Variants in IRX5 observed in about 807,000 individuals in gnomAD.
IRX5 encodes iroquois homeobox 5, also known as iroquois-class homeodomain protein IRX-5.
A neutral mutation model predicts 37.6 loss-of-function variants in IRX5; 8 were observed. The observed-to-expected ratio is 0.21, with a 90% CI of 0.12 to 0.38. IRX5 has a LOEUF of 0.38. Ranked by LOEUF, IRX5 falls within the 10% of genes least tolerant of loss-of-function variation. The probability of loss-of-function intolerance (pLI) is 1.00; values close to 1 mark genes in which losing one functional copy is unlikely to be tolerated. For synonymous variants in IRX5, 359 were observed against 328.6 expected, an observed-to-expected ratio of 1.09 and a Z score of -1.00; for missense variants, 635 against 695.2, an observed-to-expected ratio of 0.91 and a Z score of 0.97.
rs1451528681 is a variant in IRX5 at position 54,933,000 on chromosome 16, G to A, written c.656-77G>A. 1.3e-5 allele frequency: 21 copies of A among 1,602,662 alleles called. No homozygotes were observed. The highest frequency in any genetic ancestry group is 2.2e-4 in the Middle Eastern group (1 of 4,646). ...CGGGGCCTGGAGGTTGGGGGCAGGG[G>A]TCCCTGCCTTTGCGGGCGGGAACCG... On this transcript the variant is annotated intron_variant, in intron 2 of 2. Transcript: ENST00000394636. The surrounding 1 kb of genome is among the most constrained non-coding windows in gnomAD (Gnocchi z 6.7).
rs1963908372 is a variant in IRX5, at chr16:54,932,333, A to G, written c.250-165A>G. ...CCGCTGCCTTCTGAGGAGGGGGAGGAGTTGCTCCTAGGTCTGAACCCCGCC... is the reference window on the plus strand; with the variant it reads ...CCGCTGCCTTCTGAGGAGGGGGAGGGGTTGCTCCTAGGTCTGAACCCCGCC... On this transcript the variant is annotated intron_variant, in intron 1 of 2. Coordinates refer to ENST00000394636, the MANE Select transcript of IRX5 (RefSeq NM_005853.6). The surrounding 1 kb of genome is among the most constrained non-coding windows in gnomAD (Gnocchi z 6.7). 2 of 746,306 alleles carry G rather than the reference A, an allele frequency of 2.7e-6. No homozygotes were observed. Among genetic ancestry groups the G allele is most frequent in the Non-Finnish European group, 4.3e-6 (2 of 465,956 alleles). The allele number at this position is 746,306 out of a possible 1,614,324, so 46.2% of individuals were successfully genotyped here.
In IRX5 at chr16:54,932,627, A is replaced by G. The variant is rs1963913105; in HGVS notation, c.379A>G (p.Thr127Ala). The change falls in exon 2 of 3, where the codon ACC becomes GCC. Residue 127 changes from threonine (T) to alanine (A), a missense_variant. This residue lies in a region of IRX5 where 55 missense variants were observed against 120.5 expected (regional missense o/e 0.46). Coordinates refer to ENST00000394636, the MANE Select transcript of IRX5 (RefSeq NM_005853.6). The surrounding 1 kb of genome is among the most constrained non-coding windows in gnomAD (Gnocchi z 6.7). ...GAACGCCACAAGGGACGCCACGGCTACCCTCAAGGCCTGGCTCAACGAGCA... is the reference window on the plus strand; with the variant it reads ...GAACGCCACAAGGGACGCCACGGCTGCCCTCAAGGCCTGGCTCAACGAGCA... ...RKNATRDATA[T>A]LKAWLNEHRK... 9 of 1,613,888 alleles carry G rather than the reference A, an allele frequency of 5.6e-6. No individual in the cohort carries two copies. In the African/African-American group the frequency reaches 9.3e-5, roughly 17 times the overall value.
In IRX5 at chr16:54,934,077, A is replaced by G; in HGVS notation, c.*204A>G. On this transcript the variant is annotated 3_prime_UTR_variant, in exon 3 of 3. Transcript: ENST00000394636. ...AAATGTCTTAACCAACCGAAAAGAA[A>G]AATTAAAAAAGGATTTGTATTAAAT... The G allele has an allele frequency of 6.9e-6, 3 of 437,742 alleles. No homozygotes were observed. The highest frequency in any genetic ancestry group is 1.2e-5 in the Non-Finnish European group (3 of 255,308). 27.1% of individuals were successfully genotyped at this position (437,742 alleles called of 1,614,324 possible). A position where few individuals can be genotyped will look rare whatever the true frequency, so the allele number is the denominator to read the frequency against.
chr16:54,931,147 G>T lies in IRX5; in HGVS notation c.-52G>T, dbSNP rs1344472377. The T allele has an allele frequency of 1.6e-6, 2 of 1,278,296 alleles. No individual in the cohort carries two copies. Among genetic ancestry groups the T allele is most frequent in the Admixed American group, 4.1e-5 (1 of 24,572 alleles). 79.2% of individuals were successfully genotyped at this position (1,278,296 alleles called of 1,614,324 possible). A position where few individuals can be genotyped will look rare whatever the true frequency, so the allele number is the denominator to read the frequency against. ...CGCCCGCTCGCCCTCGCAGGGCGCC[G>T]CCCGGCTCGTTGGCGGCCGCGGCGC... On this transcript the variant is annotated 5_prime_UTR_variant, in exon 1 of 3. Coordinates refer to ENST00000394636, the MANE Select transcript of IRX5 (RefSeq NM_005853.6).
chr16:54,933,307 C>A lies in IRX5; in HGVS notation c.886C>A (p.Pro296Thr). 1 of 1,413,496 alleles carries A rather than the reference C, an allele frequency of 7.1e-7. No individual in the cohort carries two copies. The allele number at this position is 1,413,496 out of a possible 1,614,324, so 87.6% of individuals were successfully genotyped here. Residue 296 changes from proline (P) to threonine (T), a missense_variant, in exon 3 of 3, where the codon CCG (proline) becomes ACG (threonine). This residue lies in a region of IRX5 where 244 missense variants were observed against 205.4 expected (regional missense o/e 1.19). Coordinates refer to ENST00000394636, the MANE Select transcript of IRX5 (RefSeq NM_005853.6). Reference protein sequence around the residue: ...DPAPHYPAGAPAPGPHPAAGE... With the variant: ...DPAPHYPAGATAPGPHPAAGE... ...GGCCCCTCACTACCCCGCCGGAGCG[C>A]CGGCGCCCGGCCCGCATCCAGCCGC...
In IRX5 at chr16:54,933,139, G is replaced by A. The variant is rs1358104365; in HGVS notation, c.718G>A (p.Gly240Ser). 2 of 1,584,836 alleles carry A rather than the reference G, an allele frequency of 1.3e-6. No homozygotes were observed. The highest frequency in any genetic ancestry group is 4.6e-5 in the East Asian group (2 of 43,942). ...GCTTCAGGGACCACCCACCCCTGCA[G>A]GCAAGGAGACGGAGGGCAGCCTCAG... Reference protein sequence around the residue: ...ERLQGPPTPAGKETEGSLSDS... With the variant: ...ERLQGPPTPASKETEGSLSDS... The change falls in exon 3 of 3, where the codon GGC (glycine) becomes AGC (serine). Residue 240 changes from glycine (G) to serine (S), a missense_variant. By Grantham distance (56) the Gly-to-Ser change is moderately conservative (BLOSUM62 0). Around this residue, in one of 5 missense-constraint regions of IRX5, gnomAD observed 244 missense variants for 205.4 expected, o/e 1.19. Coordinates refer to ENST00000394636, the MANE Select transcript of IRX5 (RefSeq NM_005853.6).
chr16:54,933,323 A>T lies in IRX5; in HGVS notation c.902A>T (p.His301Leu), dbSNP rs1324470037. The change falls in exon 3 of 3, where the codon CAT (histidine) becomes CTT (leucine). Residue 301 changes from histidine to leucine, a missense_variant. Physicochemically the swap from His to Leu is moderately conservative, Grantham distance 99 (BLOSUM62 -3). Coordinates refer to ENST00000394636, the MANE Select transcript of IRX5 (RefSeq NM_005853.6). ...GCCGGAGCGCCGGCGCCCGGCCCGC[A>T]TCCAGCCGCGGGCGAGGTGCCTCCG... ...YPAGAPAPGP[H>L]PAAGEVPPGP... The T allele has an allele frequency of 6.9e-7, 1 of 1,459,570 alleles. No homozygotes were observed. Among genetic ancestry groups the T allele is most frequent in the Admixed American group, 2.5e-5 (1 of 40,422 alleles). The allele number at this position is 1,459,570 out of a possible 1,614,324, so 90.4% of individuals were successfully genotyped here. A position where few individuals can be genotyped will look rare whatever the true frequency, so the allele number is the denominator to read the frequency against.
Position 54,931,179 on chromosome 16 carries a change from C to T in IRX5, c.-20C>T, listed in dbSNP as rs752256249. On this transcript the variant is annotated 5_prime_UTR_variant, in exon 1 of 3. Coordinates refer to ENST00000394636, the MANE Select transcript of IRX5 (RefSeq NM_005853.6). ...TCGTTGGCGGCCGCGGCGCGGCGCG[C>T]CCCATGCCCGTGTGTGGCCATGTCC... is the stretch of plus-strand genomic sequence containing the variant. 20 of 1,543,624 alleles carry T rather than the reference C, an allele frequency of 1.3e-5. No individual in the cohort carries two copies. The South Asian group carries it at 1.6e-4, about 12-fold the overall frequency.
chr16:54,934,228 A>G lies in IRX5; in HGVS notation c.*355A>G, dbSNP rs374076585. 3.1e-5 allele frequency: 5 copies of G among 162,026 alleles called. No individual in the cohort carries two copies. Among genetic ancestry groups the G allele is most frequent in the East Asian group, 1.8e-4 (1 of 5,666 alleles). The allele number at this position is 162,026 out of a possible 1,614,324, so 10.0% of individuals were successfully genotyped here. ...GTTTTTTTGTAATATAAATATATAC[A>G]TTTGTGTTTCCCCCAAAACTGTTTC... On this transcript the variant is annotated 3_prime_UTR_variant, in exon 3 of 3. Transcript: ENST00000394636.
Position 54,932,824 on chromosome 16 carries a change from G to T in IRX5, c.576G>T (p.Glu192Asp). 1 of 1,614,170 alleles carries T rather than the reference G, an allele frequency of 6.2e-7. No homozygotes were observed. The highest frequency in any genetic ancestry group is 8.5e-7 in the Non-Finnish European group (1 of 1,180,030). ...GCAGCGAGGACGAGGAAGAGGAGGAGAACATTGACCTGGAGAAGAACGACG... is the reference window on the plus strand; with the variant it reads ...GCAGCGAGGACGAGGAAGAGGAGGATAACATTGACCTGGAGAAGAACGACG... Reference protein sequence around the residue: ...RNRSEDEEEEENIDLEKNDED... With the variant: ...RNRSEDEEEEDNIDLEKNDED... Residue 192 changes from glutamate to aspartate, a missense_variant, in exon 2 of 3, where the codon GAG (glutamate) becomes GAT (aspartate). By Grantham distance (45) the Glu-to-Asp change is conservative (BLOSUM62 2). Coordinates refer to ENST00000394636, the MANE Select transcript of IRX5 (RefSeq NM_005853.6). This position sits in a 1 kb window ranked among gnomAD's most constrained non-coding sequence, Gnocchi z 6.7.
rs1963897298 is a variant in IRX5 at position 54,931,512 on chromosome 16, G to A, written c.249+65G>A. ...GGCCGGGCGGGAGGACGGGGGCGGA[G>A]GGGGACACGGGCCTAGGCGCCAACA... On this transcript the variant is annotated intron_variant, in intron 1 of 2. Transcript: ENST00000394636. 3 of 1,461,482 alleles carry A rather than the reference G, an allele frequency of 2.1e-6. No homozygotes were observed. The African/African-American group carries it at 4.3e-5, about 21-fold the overall frequency. The allele number at this position is 1,461,482 out of a possible 1,614,324, so 90.5% of individuals were successfully genotyped here. A position where few individuals can be genotyped will look rare whatever the true frequency, so the allele number is the denominator to read the frequency against.
Position 54,933,663 on chromosome 16 carries a change from C to T in IRX5, c.1242C>T (p.Asn414=), listed in dbSNP as rs1386541548. The change falls in exon 3 of 3, where the codon AAC becomes AAT. Residue 414 remains asparagine, a synonymous_variant. Transcript: ENST00000394636. ...YTAPFYPGYT[N]YGSFGHLHGH... is the part of the protein sequence containing the mutation. ...CGCCCTTCTATCCCGGCTACACGAA[C>T]TATGGCTCCTTCGGACACCTTCATG... 6.2e-7 allele frequency: 1 copy of T among 1,612,862 alleles called. No homozygotes were observed. Among genetic ancestry groups the T allele is most frequent in the Admixed American group, 1.7e-5 (1 of 59,988 alleles).
rs1366899309 is a variant in IRX5 at position 54,932,163 on chromosome 16, C to CT, written c.250-334dup. On this transcript the variant is annotated intron_variant, in intron 1 of 2. Transcript: ENST00000394636. This position sits in a 1 kb window ranked among gnomAD's most constrained non-coding sequence, Gnocchi z 6.7. ...GGAGTCGCCTCAGTTGCCCAGGCCTCTATCTGCATGGAGGGCCGGGCCGCC... is the reference window on the plus strand; with the variant it reads ...GGAGTCGCCTCAGTTGCCCAGGCCTCTTATCTGCATGGAGGGCCGGGCCGCC... The CT allele has an allele frequency of 6.7e-5, 47 of 702,810 alleles. No homozygotes were observed. Among genetic ancestry groups the CT allele is most frequent in the Middle Eastern group, 4.6e-4 (2 of 4,392 alleles). The allele number at this position is 702,810 out of a possible 1,614,324, so 43.5% of individuals were successfully genotyped here. A position where few individuals can be genotyped will look rare whatever the true frequency, so the allele number is the denominator to read the frequency against.
rs1182419728 is a variant in IRX5, at chr16:54,933,223, C to T, written c.802C>T (p.Pro268Ser). Residue 268 changes from proline to serine, a missense_variant, in exon 3 of 3, where the codon CCC becomes TCC. Coordinates refer to ENST00000394636, the MANE Select transcript of IRX5 (RefSeq NM_005853.6). ...CCGCCTCGACGCGCTGCAGGGCCCCCCCCGCACCGGCGGGCCCTCCCCGGC... is the reference window on the plus strand; with the variant it reads ...CCGCCTCGACGCGCTGCAGGGCCCCTCCCGCACCGGCGGGCCCTCCCCGGC... ...EGRLDALQGPPRTGGPSPAGP... is the reference protein window; with the variant it reads ...EGRLDALQGPSRTGGPSPAGP... 16 of 1,493,814 alleles carry T rather than the reference C, an allele frequency of 1.1e-5. No homozygotes were observed. The highest frequency in any genetic ancestry group is 1.2e-5 in the Non-Finnish European group (13 of 1,129,252). The allele number at this position is 1,493,814 out of a possible 1,614,324, so 92.5% of individuals were successfully genotyped here.
rs1432553970 is a variant in IRX5, at chr16:54,931,236, C to T, written c.38C>T (p.Ala13Val). 1.2e-6 allele frequency: 2 copies of T among 1,611,596 alleles called. No homozygotes were observed. The highest frequency in any genetic ancestry group is 1.7e-5 in the Admixed American group (1 of 59,954). The change falls in exon 1 of 3, where the codon GCC (alanine) becomes GTC (valine). Residue 13 changes from alanine (A) to valine (V), a missense_variant. By Grantham distance (64) the Ala-to-Val change is moderately conservative. Transcript: ENST00000394636. ...YPQGYLYQPS[A>V]SLALYSCPAY... is the part of the protein sequence containing the mutation. ...CAGGGCTACTTGTACCAGCCGTCCGCCTCGCTGGCGCTCTACTCGTGCCCG... is the reference window on the plus strand; with the variant it reads ...CAGGGCTACTTGTACCAGCCGTCCGTCTCGCTGGCGCTCTACTCGTGCCCG...
chr16:54,932,503 T>C lies in IRX5; in HGVS notation c.255T>C (p.Ser85=). The change falls in exon 2 of 3, where the codon TCT becomes TCC. Residue 85 remains serine (S), a synonymous_variant. Coordinates refer to ENST00000394636, the MANE Select transcript of IRX5 (RefSeq NM_005853.6). This position sits in a 1 kb window ranked among gnomAD's most constrained non-coding sequence, Gnocchi z 6.7. ...TCTCTGCGTCTCCACCGCAGGGCTCTCCCTACGACCACACACCCGGCATGG... is the reference window on the plus strand; with the variant it reads ...TCTCTGCGTCTCCACCGCAGGGCTCCCCCTACGACCACACACCCGGCATGG... The part of the protein sequence containing the change: ...AAAAFSSYVG[S]PYDHTPGMAG... 6.2e-7 allele frequency: 1 copy of C among 1,608,130 alleles called. No individual in the cohort carries two copies. Among genetic ancestry groups the C allele is most frequent in the Non-Finnish European group, 8.5e-7 (1 of 1,176,446 alleles).
rs183727841 is a variant in IRX5, at chr16:54,933,998, A to G, written c.*125A>G. The G allele has an allele frequency of 4.4e-5, 43 of 987,222 alleles. No homozygotes were observed. The East Asian group carries it at 1.1e-3, about 24-fold the overall frequency. 61.2% of individuals were successfully genotyped at this position (987,222 alleles called of 1,614,324 possible). A position where few individuals can be genotyped will look rare whatever the true frequency, so the allele number is the denominator to read the frequency against. ...AACTACCCCTCCTATTCAGAAGTTT[A>G]TAGTTTATGGAGATGGATGACATAA... On this transcript the variant is annotated 3_prime_UTR_variant, in exon 3 of 3. Transcript: ENST00000394636.
Position 54,932,758 on chromosome 16 carries a change from C to T in IRX5, c.510C>T (p.Arg170=), listed in dbSNP as rs370696419. Residue 170 remains arginine (R), a synonymous_variant, in exon 2 of 3, where the codon CGC becomes CGT. Coordinates refer to ENST00000394636, the MANE Select transcript of IRX5 (RefSeq NM_005853.6). This position sits in a 1 kb window ranked among gnomAD's most constrained non-coding sequence, Gnocchi z 6.7. Reference sequence around the variant, plus strand: ...CCTGGTTCGCCAACGCGCGCCGGCGCCTCAAGAAAGAGAATAAAATGACGT... The same window carrying T: ...CCTGGTTCGCCAACGCGCGCCGGCGTCTCAAGAAAGAGAATAAAATGACGT... ...VSTWFANARR[R]LKKENKMTWT... 7 of 1,613,922 alleles carry T rather than the reference C, an allele frequency of 4.3e-6. No individual in the cohort carries two copies. The African/African-American group carries it at 9.3e-5, about 22-fold the overall frequency.
At position 54,933,954 on chromosome 16, in the gene IRX5, GAGAC is replaced by G. The variant is rs1258000674; in HGVS notation, c.*85_*88del. On this transcript the variant is annotated 3_prime_UTR_variant, in exon 3 of 3. Coordinates refer to ENST00000394636, the MANE Select transcript of IRX5 (RefSeq NM_005853.6). ...GTTATTTTTCCATCACCGAGAGAGA[GAGAC>G]AGAGAGAGAAAATAAACTACCCCTC... is the stretch of plus-strand genomic sequence containing the variant. The G allele has an allele frequency of 1.2e-5, 17 of 1,370,066 alleles. No homozygotes were observed. The highest frequency in any genetic ancestry group is 3.7e-4 in the Middle Eastern group (2 of 5,346). The allele number at this position is 1,370,066 out of a possible 1,614,324, so 84.9% of individuals were successfully genotyped here.
Sources: allele counts gnomAD v4.1 joint callset, GRCh38; gene constraint gnomAD v4.1.1; regional missense constraint gnomAD v4.1.1; non-coding constraint Gnocchi (gnomAD v3.1); transcripts MANE v1.5; gene names NCBI Gene and HGNC (gene_info 2026-07-23, HGNC 2026-07-21).